Variants in SLC25A27 observed in about 807,000 individuals in gnomAD.
The protein encoded by SLC25A27 is mitochondrial uncoupling protein 4.
Under a neutral mutation model 49.1 loss-of-function variants are expected in SLC25A27, and 35 were observed. The ratio of observed to expected loss-of-function variants is 0.71; its 90% CI spans 0.54 to 0.95. The LOEUF (loss-of-function observed/expected upper bound fraction) is 0.95, where lower values mean the gene tolerates loss of function less well. Ranked by LOEUF, SLC25A27 falls within the 40% of genes least tolerant of loss-of-function variation. SLC25A27 has a pLI of 0.00. For synonymous variants in SLC25A27, 144 were observed against 136.9 expected (o/e 1.05, Z -0.36); for missense variants, 339 against 397.1 (o/e 0.85, Z 1.24).
intron 6 of SLC25A27, among the ~76,000 whole-genome samples, chr6:46,669,188 G>A (rs1205874389): frequency 6.6e-6 from 1 of 152,074 alleles, no homozygotes; most frequent in Non-Finnish European, 1.5e-5. Context: ...AGGAAAACAA[G>A]ACAAATATAA....
intron 8 of SLC25A27, among the ~76,000 whole-genome samples, chr6:46,674,594 A>C (rs1440281454): frequency 6.6e-6 from 1 of 152,204 alleles, no homozygotes; most frequent in African/African-American, 2.4e-5. Flanking sequence ...AACCTAATTC[A>C]TGAGCATTTC....
chr6:46,655,535 G>GTTTTTTTTTTTTTTTTTTTTTT (rs773585919), intron 1 of SLC25A27, among the ~76,000 whole-genome samples: 5 of 10,738 alleles, frequency 4.7e-4, no homozygotes, highest in Non-Finnish European at 6.1e-4. Context: ...GTTAATGTTT[G>GTTTTTTTTTTTTTTTTTTTTTT]TTTTTTTTTT....
In SLC25A27 at chr6:46,653,214, GA is replaced by G; in HGVS notation, c.23del (p.Glu8GlyfsTer6). ...CTGAATGTCCGTCCCGGAGGAGGAG[GA>G]GAGGCTTTTGCCGCTGACCCAGAGA... MSVPEEE[E>X]RLLPLTQRWP... On this transcript the variant is annotated frameshift_variant, in exon 1 of 9. Coordinates refer to ENST00000371347, the MANE Select transcript of SLC25A27 (RefSeq NM_004277.5). LOFTEE classifies it high-confidence loss of function. The G allele has an allele frequency of 2.5e-6, 4 of 1,613,650 alleles. No individual in the cohort carries two copies. The highest frequency in any genetic ancestry group is 3.4e-6 in the Non-Finnish European group (4 of 1,179,722).
At chr6:46,653,872 C>T in intron 1 of SLC25A27, 2 of 983,602 alleles carry the variant, frequency 2.0e-6, no homozygotes, top group Non-Finnish European at 1.2e-6. Context: ...CCATTAGTTG[C>T]GACATTTTTA....
intron 8 of SLC25A27, among the ~76,000 whole-genome samples, chr6:46,674,607 A>G (rs759551793): frequency 1.5e-4 from 23 of 152,196 alleles, no homozygotes; most frequent in Non-Finnish European, 3.1e-4. Flanking sequence ...AGCATTTCCA[A>G]GTAAATTGGC....
intron 5 of SLC25A27, 126 bp from the exon 6 acceptor site, chr6:46,668,583 G>A (rs1474358554): frequency 1.3e-5 from 8 of 605,482 alleles, no homozygotes; most frequent in Non-Finnish European, 2.1e-5. Context: ...TGCTTTCCTT[G>A]AGAACAAGAA....
intron 2 of SLC25A27, chr6:46,658,510 A>G: frequency 2.2e-6 from 1 of 449,854 alleles, no homozygotes; most frequent in South Asian, 1.6e-5. Flanking sequence ...TTTAATGAAA[A>G]TGCCTGCTGC....
chr6:46,653,638 A>G (rs915279313), intron 1 of SLC25A27: 3 of 985,084 alleles, frequency 3.0e-6, no homozygotes, highest in African/African-American at 3.5e-5. Context: ...TCTGTTTTCC[A>G]TCCTTACTGA....
chr6:46,670,257 C>A, intron 7 of SLC25A27, 30 bp downstream of exon 7: 1 of 1,346,962 alleles, frequency 7.4e-7, no homozygotes, highest in Non-Finnish European at 1.1e-6. Flanking sequence ...TATCCATGTG[C>A]TTGAATATCT....
intron 7 of SLC25A27, 196 bp downstream of exon 7, chr6:46,670,423 A>C (rs1763487685): frequency 1.9e-6 from 1 of 513,388 alleles, no homozygotes; most frequent in Non-Finnish European, 3.4e-6. Flanking sequence ...GCTAATTAAC[A>C]ATCATATTAT....
chr6:46,665,495 C>T (rs1390121851), intron 5 of SLC25A27, among the ~76,000 whole-genome samples: 1 of 152,096 alleles, frequency 6.6e-6, no homozygotes, highest in Non-Finnish European at 1.5e-5. Flanking sequence ...ACCATCCTGG[C>T]TAACATGGTG....
intron 6 of SLC25A27, 145 bp downstream of exon 6, chr6:46,668,938 T>C: frequency 1.8e-6 from 1 of 544,996 alleles, no homozygotes. Flanking sequence ...AGAAATTTCT[T>C]AAAGTTTCTT....
intron 5 of SLC25A27, among the ~76,000 whole-genome samples, chr6:46,667,357 C>T (rs1414933600): frequency 6.6e-6 from 1 of 152,142 alleles, no homozygotes; most frequent in Non-Finnish European, 1.5e-5. Context: ...GCCTTGTTTT[C>T]CTGTAGTCTA....
At chr6:46,661,194 C>T (rs1037259824) in intron 3 of SLC25A27, among the ~76,000 whole-genome samples, 5 of 151,780 alleles carry the variant, frequency 3.3e-5, no homozygotes, top group Non-Finnish European at 7.4e-5. Flanking sequence ...ATGTGCTCAT[C>T]ATTGTGTGGA....
At chr6:46,675,246 A>G (rs1202478129) in intron 8 of SLC25A27, among the ~76,000 whole-genome samples, 2 of 152,154 alleles carry the variant, frequency 1.3e-5, no homozygotes, top group Admixed American at 6.5e-5. Context: ...TTGTTGCTAT[A>G]ATGTCATTAA....
At chr6:46,662,050 T>A (rs567728681) in intron 3 of SLC25A27, among the ~76,000 whole-genome samples, 7 of 152,334 alleles carry the variant, frequency 4.6e-5, no homozygotes, top group African/African-American at 1.7e-4. Flanking sequence ...TTAGGCTGAC[T>A]ACATCTATGC....
intron 8 of SLC25A27, among the ~76,000 whole-genome samples, chr6:46,675,757 C>G (rs979495000): frequency 1.3e-5 from 2 of 152,114 alleles, no homozygotes; most frequent in African/African-American, 4.8e-5. Context: ...AACCCTTATT[C>G]TTTTATAATT....
intron 6 of SLC25A27, among the ~76,000 whole-genome samples, 181 bp downstream of exon 6, chr6:46,668,974 C>A: frequency 6.6e-6 from 1 of 152,126 alleles, no homozygotes; most frequent in Admixed American, 6.5e-5. Flanking sequence ...AAGAGACAGA[C>A]AAAGTTGTAG....
At chr6:46,657,661 TCTTCA>T (rs1325735274) in intron 2 of SLC25A27, among the ~76,000 whole-genome samples, 1 of 152,232 alleles carries the variant, frequency 6.6e-6, no homozygotes, top group Non-Finnish European at 1.5e-5. Context: ...TTATCATTTT[TCTTCA>T]CTTAAGAACT....
Sources: allele counts gnomAD v4.1 joint callset (sites outside exome capture counted in the v4.1 genomes callset), GRCh38; gene constraint gnomAD v4.1.1; transcripts MANE v1.5; gene names NCBI Gene and HGNC (gene_info 2026-07-23, HGNC 2026-07-21).